The following XKR9 variants were observed in gnomAD, a reference collection of about 807,000 sequenced individuals.
XKR9 encodes XK-related protein 9.
Under a neutral mutation model 32.0 loss-of-function variants are expected in XKR9, and 32 were observed. The observed-to-expected ratio is 1.00, with a 90% CI of 0.76 to 1.34. XKR9 has a LOEUF of 1.34. Among genes scored for constraint, XKR9 ranks in the 40% most tolerant of loss-of-function variants. The pLI is 0.00. For synonymous variants in XKR9, 168 were observed against 143.4 expected, an observed-to-expected ratio of 1.17 and a Z score of -1.22; for missense variants, 546 against 429.7, an observed-to-expected ratio of 1.27 and a Z score of -2.39.
the XKR9 span, among the ~76,000 whole-genome samples, chr8:70,840,152 T>C: frequency 9.2e-5 from 14 of 152,180 alleles, no homozygotes; most frequent in Non-Finnish European, 8.8e-5. Context: ...TTGATGGGGC[T>C]AATTGCTGTA....
intron 2 of XKR9, among the ~76,000 whole-genome samples, chr8:70,780,389 G>A (rs117309903): frequency 4.3e-4 from 65 of 151,764 alleles, no homozygotes; most frequent in Admixed American, 8.5e-4. Flanking sequence ...TCTTCAAAAC[G>A]TTGTTTTAGG....
At chr8:70,689,152 AT>A (rs767470284) in intron 3 of XKR9, among the ~76,000 whole-genome samples, 4 of 152,296 alleles carry the variant, frequency 2.6e-5, no homozygotes, top group Admixed American at 6.5e-5. Flanking sequence ...GCTTCTGGAA[AT>A]CAAAAAGTAA....
chr8:70,854,971 G>C, the XKR9 span, among the ~76,000 whole-genome samples: 2 of 152,236 alleles, frequency 1.3e-5, no homozygotes, highest in African/African-American at 4.8e-5. Context: ...CTCCAGCTTT[G>C]TTCTTTTGGC....
At chr8:70,820,279 T>C in the XKR9 span, among the ~76,000 whole-genome samples, 1 of 152,222 alleles carries the variant, frequency 6.6e-6, no homozygotes, top group South Asian at 2.1e-4. Flanking sequence ...TTTTGTCTGA[T>C]CATACTTCTT....
At chr8:70,973,647 T>A in the XKR9 span, among the ~76,000 whole-genome samples, 24 of 152,188 alleles carry the variant, frequency 1.6e-4, no homozygotes, top group Non-Finnish European at 3.1e-4. Context: ...CCCAATGGGT[T>A]TAATAGGTTG....
chr8:71,022,030 C>T, the XKR9 span, among the ~76,000 whole-genome samples: 1 of 152,264 alleles, frequency 6.6e-6, no homozygotes, highest in South Asian at 2.1e-4. Flanking sequence ...AAGTAGAGGT[C>T]CATTTCCATT....
At chr8:71,024,876 A>G in the XKR9 span, among the ~76,000 whole-genome samples, 1 of 152,118 alleles carries the variant, frequency 6.6e-6, no homozygotes, top group Non-Finnish European at 1.5e-5. Context: ...GTTCTATTTG[A>G]AGTATGATTA....
At chr8:70,803,972 C>A in the XKR9 span, among the ~76,000 whole-genome samples, 1 of 152,174 alleles carries the variant, frequency 6.6e-6, no homozygotes, top group Non-Finnish European at 1.5e-5. Context: ...GTGATTCCCA[C>A]CTTCTGGGTG....
intron 3 of XKR9, among the ~76,000 whole-genome samples, chr8:70,684,113 G>GT (rs1819178084): frequency 6.6e-6 from 1 of 152,070 alleles, no homozygotes. Context: ...GGTTTCTACA[G>GT]TTTAATTATA....
chr8:70,670,131 A>G (rs34282253), intron 1 of XKR9, among the ~76,000 whole-genome samples: 61,670 of 152,058 alleles, frequency 0.41, 14,036 homozygotes, highest in Non-Finnish European at 0.52. Flanking sequence ...GGGATTGGGC[A>G]GCTGCCCAGA....
At chr8:71,024,390 C>T in the XKR9 span, among the ~76,000 whole-genome samples, 2 of 152,126 alleles carry the variant, frequency 1.3e-5, no homozygotes, top group African/African-American at 4.8e-5. Flanking sequence ...TGGGTCTAAC[C>T]TATATCATAC....
the XKR9 span, among the ~76,000 whole-genome samples, chr8:71,041,445 C>T: frequency 6.6e-5 from 10 of 152,064 alleles, no homozygotes; most frequent in African/African-American, 2.4e-5. Context: ...TTGCTAGTGC[C>T]GATCAAGAAT....
the XKR9 span, among the ~76,000 whole-genome samples, chr8:70,951,075 T>C: frequency 6.6e-6 from 1 of 152,210 alleles, no homozygotes; most frequent in African/African-American, 2.4e-5. Flanking sequence ...ATTCCTTTTA[T>C]TGCAGCTTTT....
chr8:70,695,162 T>TTA (rs1805219177), intron 3 of XKR9, among the ~76,000 whole-genome samples: 5 of 149,924 alleles, frequency 3.3e-5, no homozygotes, highest in Middle Eastern at 3.2e-3. Flanking sequence ...GATTTGTTTT[T>TTA]AAAAAAATTT....
chr8:70,702,494 C>T (rs1805574170), intron 3 of XKR9, among the ~76,000 whole-genome samples: 1 of 152,100 alleles, frequency 6.6e-6, no homozygotes, highest in Non-Finnish European at 1.5e-5. Flanking sequence ...TTTAAGGTCT[C>T]CTTTTCCTTT....
At chr8:70,714,640 C>A (rs1309881250) in intron 4 of XKR9, among the ~76,000 whole-genome samples, 2 of 152,014 alleles carry the variant, frequency 1.3e-5, no homozygotes. Flanking sequence ...AAACCTCTAT[C>A]AATTTCTTTA....
chr8:70,970,847 C>T, the XKR9 span, among the ~76,000 whole-genome samples: 4,360 of 152,212 alleles, frequency 0.029, 188 homozygotes, highest in African/African-American at 0.1. Flanking sequence ...TGCTTTTACA[C>T]GGTTGGTAGG....
chr8:70,935,641 T>A, the XKR9 span, among the ~76,000 whole-genome samples: 7 of 152,166 alleles, frequency 4.6e-5, no homozygotes, highest in Admixed American at 1.3e-4. Flanking sequence ...TTTCCCATAT[T>A]TTAAATTTGT....
chr8:70,810,257 A>G, the XKR9 span, among the ~76,000 whole-genome samples: 4 of 152,212 alleles, frequency 2.6e-5, no homozygotes, highest in East Asian at 7.7e-4. Flanking sequence ...TTTTGTCACC[A>G]CCAGGCCTGC....
Sources: gnomAD v4.1 joint callset for allele counts (sites outside exome capture counted in the v4.1 genomes callset) on GRCh38, gnomAD v4.1.1 for gene constraint, MANE v1.5 for transcripts, NCBI Gene and HGNC (gene_info 2026-07-23, HGNC 2026-07-21) for gene names.